Variants in DNAH9 observed in about 807,000 individuals in gnomAD.
DNAH9 encodes the protein DNAH9 variant protein.
A neutral mutation model predicts 471.6 loss-of-function variants in DNAH9; 345 were observed. The ratio of observed to expected loss-of-function variants is 0.73; its 90% CI spans 0.67 to 0.80. The LOEUF (loss-of-function observed/expected upper bound fraction) is 0.80. DNAH9 is among the 30% of genes least tolerant of loss of function. The probability of loss-of-function intolerance (pLI) is 0.00; values close to 1 mark genes in which losing one functional copy is unlikely to be tolerated. For synonymous variants in DNAH9, 2,093 were observed against 2,123.6 expected, an observed-to-expected ratio of 0.99 and a Z score of 0.40; for missense variants, 5,407 against 5,609.2, an observed-to-expected ratio of 0.96 and a Z score of 1.15.
At position 11,598,659 on chromosome 17, in the gene DNAH9, A is replaced by G; in HGVS notation, c.161A>G (p.Gln54Arg). 7.4e-7 allele frequency: 1 copy of G among 1,355,936 alleles called. No individual in the cohort carries two copies. The allele number at this position is 1,355,936 out of a possible 1,614,324, so 84.0% of individuals were successfully genotyped here. A position where few individuals can be genotyped will look rare whatever the true frequency, so the allele number is the denominator to read the frequency against. Residue 54 changes from glutamine (Q) to arginine (R), a missense_variant, in exon 1 of 69, where the codon CAG (glutamine) becomes CGG (arginine). By Grantham distance (43) the Gln-to-Arg change is conservative. Coordinates refer to ENST00000262442, the MANE Select transcript of DNAH9 (RefSeq NM_001372.4). Reference sequence around the variant, plus strand: ...TGCGCGGGGAGTGCTGAGGCGGAGCAGCTGCTCCAGGCCTTCCTGGGCCGC... The same window carrying G: ...TGCGCGGGGAGTGCTGAGGCGGAGCGGCTGCTCCAGGCCTTCCTGGGCCGC... ...ERCAGSAEAE[Q>R]LLQAFLGRDA...
In DNAH9 at chr17:11,897,138, C is replaced by G. The variant is rs568027213; in HGVS notation, c.11406+2642C>G. Reference sequence around the variant, plus strand: ...GCAAGATATTTTCTTTAAGCCAATACAGCCAAAATATTATCTCAATATGCA... The same window carrying G: ...GCAAGATATTTTCTTTAAGCCAATAGAGCCAAAATATTATCTCAATATGCA... On this transcript the variant is annotated intron_variant, in intron 59 of 68. Coordinates refer to ENST00000262442, the MANE Select transcript of DNAH9 (RefSeq NM_001372.4). Among the ~76,000 whole-genome samples, 3 of 152,316 alleles carry G rather than the reference C, an allele frequency of 2.0e-5. No homozygotes were observed. In the East Asian group the frequency reaches 5.8e-4, roughly 29 times the overall value.
chr17:11,760,603 T>C (rs1370988975), intron 35 of DNAH9, among the ~76,000 whole-genome samples: 4 of 152,098 alleles, frequency 2.6e-5, no homozygotes, highest in Non-Finnish European at 5.9e-5. Flanking sequence ...CACTGCAACC[T>C]CTGCCTCCCA....
intron 57 of DNAH9, among the ~76,000 whole-genome samples, chr17:11,888,070 C>T (rs1191974426): frequency 5.9e-5 from 9 of 151,558 alleles, no homozygotes; most frequent in African/African-American, 2.2e-4. Flanking sequence ...GCAAGCTCTG[C>T]CTCCCGGGTT....
chr17:11,646,180 AT>A (rs113968657), intron 11 of DNAH9, among the ~76,000 whole-genome samples: 2 of 149,584 alleles, frequency 1.3e-5, no homozygotes, highest in South Asian at 2.1e-4. Flanking sequence ...CGCCTGGCTA[AT>A]TTTTTTTTTG....
intron 27 of DNAH9, among the ~76,000 whole-genome samples, chr17:11,720,102 G>C (rs2075027451): frequency 2.0e-5 from 3 of 151,834 alleles, no homozygotes; most frequent in Admixed American, 6.6e-5. Flanking sequence ...TGTGTTCCAG[G>C]TTCTGAGTCA....
At chr17:11,720,767 G>A (rs192557708) in intron 27 of DNAH9, among the ~76,000 whole-genome samples, 37 of 152,154 alleles carry the variant, frequency 2.4e-4, no homozygotes, top group Admixed American at 5.2e-4. Flanking sequence ...ATGTTTTCTC[G>A]TGTTAAGTAA....
At position 11,664,910 on chromosome 17, in the gene DNAH9, G is replaced by A. The variant is rs560986567; in HGVS notation, c.2673G>A (p.Leu891=). 6.2e-7 allele frequency: 1 copy of A among 1,613,062 alleles called. No individual in the cohort carries two copies. Among genetic ancestry groups the A allele is most frequent in the East Asian group, 2.2e-5 (1 of 44,862 alleles). Residue 891 remains leucine (L), a synonymous_variant, in exon 15 of 69, where the codon TTG becomes TTA. Coordinates refer to ENST00000262442, the MANE Select transcript of DNAH9 (RefSeq NM_001372.4). ...ATGTTAACTCTATTGACAATTTGTT[G>A]CTGAATGGATTCTTTCTTGCCATTG... The part of the protein sequence containing the change: ...KTYVNSIDNL[L]LNGFFLAIEC...
At chr17:11,751,119 T>G (rs988453764) in intron 32 of DNAH9, among the ~76,000 whole-genome samples, 9 of 151,470 alleles carry the variant, frequency 5.9e-5, no homozygotes, top group South Asian at 2.1e-4. Flanking sequence ...CTAAAAGAAA[T>G]AAATCAACCC....
intron 50 of DNAH9, among the ~76,000 whole-genome samples, chr17:11,868,357 C>A (rs1972136096): frequency 6.6e-6 from 1 of 152,024 alleles, no homozygotes; most frequent in African/African-American, 2.4e-5. Context: ...ATTGCACAGA[C>A]CTGAGATGTA....
intron 10 of DNAH9, among the ~76,000 whole-genome samples, chr17:11,643,736 G>A (rs1269385875): frequency 2.0e-5 from 3 of 152,078 alleles, no homozygotes; most frequent in Admixed American, 6.6e-5. Flanking sequence ...TGATCAATAC[G>A]CTTTATGGTC....
chr17:11,836,933 T>C (rs563770531), intron 49 of DNAH9, among the ~76,000 whole-genome samples: 1 of 152,360 alleles, frequency 6.6e-6, no homozygotes, highest in South Asian at 2.1e-4. Context: ...GCTCTGGGAA[T>C]AATTTTATCT....
intron 49 of DNAH9, among the ~76,000 whole-genome samples, chr17:11,845,027 TAA>T (rs1023466059): frequency 6.6e-6 from 1 of 151,970 alleles, no homozygotes; most frequent in Non-Finnish European, 1.5e-5. Flanking sequence ...TATTATACTT[TAA>T]GTTTTAGGGT....
chr17:11,711,946 A>G (rs1357655949), intron 26 of DNAH9, among the ~76,000 whole-genome samples: 1 of 25,532 alleles, frequency 3.9e-5, no homozygotes, highest in African/African-American at 2.0e-4. Context: ...ATTTGTATAT[A>G]TATTTATATA....
intron 50 of DNAH9, among the ~76,000 whole-genome samples, chr17:11,864,420 C>G (rs976825004): frequency 1.3e-5 from 2 of 151,496 alleles, no homozygotes; most frequent in African/African-American, 4.8e-5. Flanking sequence ...TTTACATTTG[C>G]TGAGGAGAGC....
rs554191382 is a variant in DNAH9, at chr17:11,969,740, A to C, written c.*213A>C. The C allele has an allele frequency of 2.2e-5, 12 of 535,302 alleles. No homozygotes were observed. The South Asian group carries it at 2.6e-4, about 12-fold the overall frequency. The allele number at this position is 535,302 out of a possible 1,614,324, so 33.2% of individuals were successfully genotyped here. On this transcript the variant is annotated 3_prime_UTR_variant, in exon 69 of 69. Coordinates refer to ENST00000262442, the MANE Select transcript of DNAH9 (RefSeq NM_001372.4). ...CCCAGGTTTCTTAATAAAATGATTT[A>C]CTCTTCAACTGTGTCTGGCCCAGGA...
At chr17:11,733,876 A>AAC (rs1555575811) in intron 28 of DNAH9, among the ~76,000 whole-genome samples, 1 of 151,330 alleles carries the variant, frequency 6.6e-6, no homozygotes, top group Non-Finnish European at 1.5e-5. Context: ...AAAAAAAAAA[A>AAC]AAAGTAAAAC....
intron 59 of DNAH9, among the ~76,000 whole-genome samples, chr17:11,896,196 C>G (rs1973212620): frequency 6.6e-6 from 1 of 152,192 alleles, no homozygotes; most frequent in Non-Finnish European, 1.5e-5. Context: ...AACTTGATTA[C>G]ATCTACAAAG....
chr17:11,708,044 G>GAT (rs1421337658), intron 26 of DNAH9, among the ~76,000 whole-genome samples: 1 of 149,008 alleles, frequency 6.7e-6, no homozygotes, highest in South Asian at 2.1e-4. Flanking sequence ...GAGAGAGAGA[G>GAT]AGAGAGAGAG....
At chr17:11,826,646 T>C (rs1418720043) in intron 48 of DNAH9, among the ~76,000 whole-genome samples, 4 of 149,148 alleles carry the variant, frequency 2.7e-5, no homozygotes, top group Non-Finnish European at 5.9e-5. Context: ...GTATGTTTAA[T>C]GGAGACGGGG....
Sources: allele counts gnomAD v4.1 joint callset (sites outside exome capture counted in the v4.1 genomes callset), GRCh38; gene constraint gnomAD v4.1.1; transcripts MANE v1.5; gene names NCBI Gene and HGNC (gene_info 2026-07-23, HGNC 2026-07-21).